The following DPYD variants were observed in gnomAD, a reference collection of about 807,000 sequenced individuals.
The protein encoded by DPYD is dihydropyrimidine dehydrogenase [NADP(+)].
In DPYD, 109 loss-of-function variants were observed where a neutral mutation model predicts 116.2. The observed-to-expected ratio is 0.94, with a 90% CI of 0.80 to 1.10. The LOEUF is 1.10. DPYD is among the 50% of genes least tolerant of loss of function. The probability of loss-of-function intolerance (pLI) is 0.00; values close to 1 mark genes in which losing one functional copy is unlikely to be tolerated. For missense variants in DPYD, 1,302 were observed against 1,254.5 expected (o/e 1.04, Z -0.57); for synonymous variants, 440 against 432.0 (o/e 1.02, Z -0.23).
chr1:97,335,299 TACAC>T (rs35371362), intron 16 of DPYD, among the ~76,000 whole-genome samples: 13,196 of 136,104 alleles, frequency 0.097, 589 homozygotes, highest in East Asian at 0.15. Flanking sequence ...TGGAGTTAAG[TACAC>T]ACACACACAC....
chr1:97,876,562 A>G (rs1671931708), intron 2 of DPYD, among the ~76,000 whole-genome samples: 1 of 151,996 alleles, frequency 6.6e-6, no homozygotes, highest in African/African-American at 2.4e-5. Flanking sequence ...CCTTCATTTG[A>G]GAACTTGCTG....
intron 2 of DPYD, among the ~76,000 whole-genome samples, chr1:97,840,342 CA>C: frequency 6.6e-6 from 1 of 151,844 alleles, no homozygotes; most frequent in Admixed American, 6.6e-5. Flanking sequence ...TGCTTTGGGC[CA>C]AAGTGAAGCA....
intron 20 of DPYD, among the ~76,000 whole-genome samples, chr1:97,165,389 A>C (rs1656250089): frequency 6.6e-6 from 1 of 152,188 alleles, no homozygotes; most frequent in Non-Finnish European, 1.5e-5. Flanking sequence ...CAGAAGATTA[A>C]AATTGGACCC....
chr1:97,599,280 C>T (rs1655094369), intron 8 of DPYD, among the ~76,000 whole-genome samples: 1 of 152,116 alleles, frequency 6.6e-6, no homozygotes, highest in Non-Finnish European at 1.5e-5. Flanking sequence ...AAAGCACCTC[C>T]CTCTGGAACA....
chr1:97,103,619 T>C (rs566037464), intron 20 of DPYD, among the ~76,000 whole-genome samples: 1 of 152,110 alleles, frequency 6.6e-6, no homozygotes, highest in Non-Finnish European at 1.5e-5. Context: ...GCAGAGATAG[T>C]TCATGTTTCA....
chr1:97,897,631 T>C (rs1235950603), intron 1 of DPYD, among the ~76,000 whole-genome samples: 2 of 151,888 alleles, frequency 1.3e-5, no homozygotes, highest in African/African-American at 2.4e-5. Flanking sequence ...TCTTCTGCAG[T>C]GTCTAATCTG....
At chr1:97,834,044 A>T (rs928297305) in intron 2 of DPYD, among the ~76,000 whole-genome samples, 3 of 152,102 alleles carry the variant, frequency 2.0e-5, no homozygotes, top group Non-Finnish European at 4.4e-5. Context: ...TATGTGCAAC[A>T]AATTTTAGTA....
intron 18 of DPYD, among the ~76,000 whole-genome samples, chr1:97,260,218 G>C (rs1164027922): frequency 6.6e-6 from 1 of 152,040 alleles, no homozygotes; most frequent in Non-Finnish European, 1.5e-5. Context: ...AAGTACTATA[G>C]GCATTAAAAC....
chr1:97,513,054 C>G (rs1300270313), intron 13 of DPYD, among the ~76,000 whole-genome samples: 3 of 151,790 alleles, frequency 2.0e-5, no homozygotes, highest in Middle Eastern at 3.4e-3. Flanking sequence ...ATAGACTGCA[C>G]AGTAAAGAAT....
chr1:97,754,371 T>C (rs1665107202), intron 3 of DPYD, among the ~76,000 whole-genome samples: 1 of 151,854 alleles, frequency 6.6e-6, no homozygotes, highest in Non-Finnish European at 1.5e-5. Flanking sequence ...AACAGGAAAA[T>C]AAAAAAGCTA....
At chr1:97,634,993 G>GA (rs955244390) in intron 8 of DPYD, among the ~76,000 whole-genome samples, 2 of 151,144 alleles carry the variant, frequency 1.3e-5, no homozygotes, top group Admixed American at 6.6e-5. Flanking sequence ...TAACCAGGGA[G>GA]AAAAAAAATG....
intron 14 of DPYD, among the ~76,000 whole-genome samples, chr1:97,399,773 G>T (rs942356529): frequency 6.6e-6 from 1 of 152,100 alleles, no homozygotes; most frequent in Non-Finnish European, 1.5e-5. Context: ...GTTTAAGAAT[G>T]CTTGTGATTT....
chr1:97,374,927 G>A (rs1471603763), intron 15 of DPYD, among the ~76,000 whole-genome samples: 1 of 150,540 alleles, frequency 6.6e-6, no homozygotes, highest in African/African-American at 2.4e-5. Context: ...TACTTGGGAA[G>A]CTGAGGCAGG....
At chr1:97,244,793 C>A (rs1264039296) in intron 18 of DPYD, among the ~76,000 whole-genome samples, 1 of 152,026 alleles carries the variant, frequency 6.6e-6, no homozygotes, top group Non-Finnish European at 1.5e-5. Flanking sequence ...ATGGTGTGCA[C>A]TTTCAAAGTA....
intron 10 of DPYD, among the ~76,000 whole-genome samples, chr1:97,582,604 A>T (rs1653770168): frequency 6.6e-6 from 1 of 152,208 alleles, no homozygotes; most frequent in African/African-American, 2.4e-5. Flanking sequence ...GGCCTGTACA[A>T]GCAAATTCTG....
intron 3 of DPYD, among the ~76,000 whole-genome samples, chr1:97,772,574 G>A (rs1249295541): frequency 1.3e-5 from 2 of 152,194 alleles, no homozygotes; most frequent in East Asian, 1.9e-4. Context: ...CATTGTTTGT[G>A]TGTGCAGATT....
rs949656832 is a variant in DPYD, at chr1:97,853,893, G to A, written c.151-25697C>T. Among the ~76,000 whole-genome samples, 4 of 152,196 alleles carry A rather than the reference G, an allele frequency of 2.6e-5. No homozygotes were observed. The East Asian group carries it at 5.8e-4, about 22-fold the overall frequency. On this transcript the variant is annotated intron_variant, in intron 2 of 22. Coordinates refer to ENST00000370192, the MANE Select transcript of DPYD (RefSeq NM_000110.4). ...AACCAGTCCATGTGGAGGCAAATCTGTCTCATCCTTGCAAAAAATACTTAT... is the reference window on the plus strand; with the variant it reads ...AACCAGTCCATGTGGAGGCAAATCTATCTCATCCTTGCAAAAAATACTTAT...
intron 18 of DPYD, among the ~76,000 whole-genome samples, chr1:97,293,073 T>C (rs1666313096): frequency 6.6e-6 from 1 of 152,168 alleles, no homozygotes; most frequent in Non-Finnish European, 1.5e-5. Flanking sequence ...TCTCAGTATA[T>C]TAATATGAGA....
intron 21 of DPYD, among the ~76,000 whole-genome samples, chr1:97,092,906 A>T (rs1649991050): frequency 6.6e-6 from 1 of 152,070 alleles, no homozygotes; most frequent in Admixed American, 6.6e-5. Context: ...TTGGAGGAAG[A>T]ATTAACAAGA....
Sources: gnomAD v4.1 joint callset for allele counts (sites outside exome capture counted in the v4.1 genomes callset) on GRCh38, gnomAD v4.1.1 for gene constraint, MANE v1.5 for transcripts, NCBI Gene and HGNC (gene_info 2026-07-23, HGNC 2026-07-21) for gene names.